The following MORC3 variants were observed in gnomAD, a reference collection of about 807,000 sequenced individuals.
The protein encoded by MORC3 is MORC family CW-type zinc finger 3.
In MORC3, 31 loss-of-function variants were observed where a neutral mutation model predicts 109.1. That is an observed-to-expected ratio of 0.28 (90% CI 0.21 to 0.38). The LOEUF (loss-of-function observed/expected upper bound fraction) is 0.38, where lower values mean the gene tolerates loss of function less well. Ranked by LOEUF, MORC3 falls within the 10% of genes least tolerant of loss-of-function variation. MORC3 has a pLI of 1.00. For synonymous variants in MORC3, 395 were observed against 380.7 expected (o/e 1.04, Z -0.44); for missense variants, 867 against 1,135.8 (o/e 0.76, Z 3.40).
At chr21:36,333,396 T>C (rs549881921) in intron 1 of MORC3, 125 of 497,050 alleles carry the variant, frequency 2.5e-4, no homozygotes, top group African/African-American at 2.1e-3. Flanking sequence ...TGGACAGTTA[T>C]GACATTGTAG....
intron 9 of MORC3, among the ~76,000 whole-genome samples, chr21:36,354,550 G>C (rs111724970): frequency 6.6e-6 from 1 of 151,918 alleles, no homozygotes; most frequent in African/African-American, 2.4e-5. Context: ...TGATCCGCCC[G>C]CCTCTGTCTT....
chr21:36,364,925 G>T (rs942729931), intron 14 of MORC3, among the ~76,000 whole-genome samples: 1 of 151,858 alleles, frequency 6.6e-6, no homozygotes, highest in Non-Finnish European at 1.5e-5. Flanking sequence ...GGCGTTACAT[G>T]CCTGTAATCC....
At chr21:36,361,889 A>G (rs1422259046) in intron 12 of MORC3, 4 of 368,580 alleles carry the variant, frequency 1.1e-5, no homozygotes, top group Non-Finnish European at 2.0e-5. Flanking sequence ...AAAAGAAAAA[A>G]CCTATGTGAT....
rs752572932 is a variant in MORC3, at chr21:36,320,284, G to A, written c.20G>A (p.Arg7His). MAAQPP[R>H]GIRLSALCPK... ...CTCAAGATGGCGGCGCAGCCACCCC[G>A]CGGGATACGCCTCAGCGCGGTGAGC... Residue 7 changes from arginine (R) to histidine (H), a missense_variant, in exon 1 of 17, where the codon CGC (arginine) becomes CAC (histidine). Coordinates refer to ENST00000400485, the MANE Select transcript of MORC3 (RefSeq NM_015358.3). 1 of 1,575,292 alleles carries A rather than the reference G, an allele frequency of 6.3e-7. No individual in the cohort carries two copies. Among genetic ancestry groups the A allele is most frequent in the Non-Finnish European group, 8.6e-7 (1 of 1,162,352 alleles).
At chr21:36,370,635 A>ATT (rs1361206395) in intron 15 of MORC3, among the ~76,000 whole-genome samples, 57 of 42,000 alleles carry the variant, frequency 1.4e-3, no homozygotes, top group Non-Finnish European at 2.3e-3. Context: ...ATATATATAT[A>ATT]TATATTTTTT....
rs761186510 is a variant in MORC3, at chr21:36,369,348, C to A, written c.1980C>A (p.Asp660Glu). 1.2e-6 allele frequency: 2 copies of A among 1,614,080 alleles called. No homozygotes were observed. The highest frequency in any genetic ancestry group is 1.7e-5 in the Admixed American group (1 of 59,998). Residue 660 changes from aspartate to glutamate, a missense_variant, in exon 15 of 17, where the codon GAC becomes GAA. Asp to Glu is a conservative substitution (Grantham distance 45). Coordinates refer to ENST00000400485, the MANE Select transcript of MORC3 (RefSeq NM_015358.3). Reference protein sequence around the residue: ...KKEETVEDEIDVRNDAVILPS... With the variant: ...KKEETVEDEIEVRNDAVILPS... ...AAGAAACTGTTGAAGACGAGATAGA[C>A]GTAAGAAATGATGCAGTGATTCTGC...
chr21:36,358,702 T>C (rs902221206), intron 10 of MORC3, among the ~76,000 whole-genome samples: 1 of 152,026 alleles, frequency 6.6e-6, no homozygotes, highest in Non-Finnish European at 1.5e-5. Flanking sequence ...GTTTTTGAGG[T>C]AGAGGCTTGC....
chr21:36,321,548 C>CTT (rs746656195), intron 1 of MORC3, among the ~76,000 whole-genome samples: 3 of 139,108 alleles, frequency 2.2e-5, no homozygotes, highest in Non-Finnish European at 1.6e-5. Flanking sequence ...TTCTTTTTTT[C>CTT]TTTTTTTTTT....
intron 1 of MORC3, among the ~76,000 whole-genome samples, chr21:36,325,566 T>C (rs1391074098): frequency 6.6e-6 from 1 of 152,230 alleles, no homozygotes; most frequent in Non-Finnish European, 1.5e-5. Context: ...CCAGAACTCT[T>C]CTTGTTGGGA....
intron 12 of MORC3, 30 bp downstream of exon 12, chr21:36,360,288 A>G (rs752584522): frequency 5.1e-6 from 8 of 1,578,496 alleles, no homozygotes; most frequent in Non-Finnish European, 7.0e-6. Context: ...ATAGTGGGTA[A>G]TAATGCCCAG....
rs772766669 is a variant in MORC3 at position 36,369,238 on chromosome 21, T to TCAA, written c.1874_1876dup (p.Thr625dup). ...CAGTGAACCTTGTGGCCAGACTGGT[T>TCAA]CAACAAGCACCTCATCATCCCGATG... On this transcript the variant is annotated inframe_insertion, in exon 15 of 17. Transcript: ENST00000400485. The TCAA allele has an allele frequency of 3.1e-6, 5 of 1,614,162 alleles. No homozygotes were observed. Among genetic ancestry groups the TCAA allele is most frequent in the Non-Finnish European group, 3.4e-6 (4 of 1,180,038 alleles).
rs189030931 is a variant in MORC3, at chr21:36,321,731, C to G, written c.39+1428C>G. On this transcript the variant is annotated intron_variant, in intron 1 of 16. Transcript: ENST00000400485. ...TTTCCCCTATCTCCTTTCCCCACTT[C>G]TCTCTCCTTCCTCTCTCGAGGTTGA... Among the ~76,000 whole-genome samples the G allele has an allele frequency of 1.9e-3, 288 of 152,200 alleles. 1 individual carries two copies. Among genetic ancestry groups the G allele is most frequent in the African/African-American group, 6.8e-3 (281 of 41,524 alleles).
chr21:36,356,725 G>A lies in MORC3; in HGVS notation c.1208+1G>A. The A allele has an allele frequency of 6.6e-7, 1 of 1,511,482 alleles. No homozygotes were observed. The highest frequency in any genetic ancestry group is 1.2e-5 in the South Asian group (1 of 83,750). The allele number at this position is 1,511,482 out of a possible 1,614,324, so 93.6% of individuals were successfully genotyped here. A position where few individuals can be genotyped will look rare whatever the true frequency, so the allele number is the denominator to read the frequency against. On this transcript the variant is annotated splice_donor_variant, in intron 10 of 16. Transcript: ENST00000400485. LOFTEE classifies it high-confidence loss of function. The stretch of plus-strand genomic sequence containing the variant: ...TAAATTTGCCAGTTGAAGATATACA[G>A]TAAGTACATTTTTAAAACATATCAT...
chr21:36,330,336 C>G (rs944332074), intron 1 of MORC3, among the ~76,000 whole-genome samples: 1 of 152,202 alleles, frequency 6.6e-6, no homozygotes, highest in Admixed American at 6.5e-5. Flanking sequence ...CTCCACAATC[C>G]TTGTCTTAAC....
chr21:36,331,472 C>T lies in MORC3; in HGVS notation c.40-2174C>T, dbSNP rs531175961. Among the ~76,000 whole-genome samples the T allele has an allele frequency of 5.9e-5, 9 of 152,218 alleles. No homozygotes were observed. The South Asian group carries it at 1.9e-3, about 32-fold the overall frequency. ...AATTAGCTGGGCATGGTGGTGGGCA[C>T]CTGTAGTCCCAGCTACTCGGGAGGC... On this transcript the variant is annotated intron_variant, in intron 1 of 16. Transcript: ENST00000400485.
At chr21:36,353,380 A>C (rs1054531528) in intron 9 of MORC3, among the ~76,000 whole-genome samples, 1 of 139,318 alleles carries the variant, frequency 7.2e-6, no homozygotes, top group Admixed American at 7.5e-5. Flanking sequence ...AAAAAAAAAA[A>C]TCATGGCCGG....
chr21:36,321,801 T>C (rs1319843878), intron 1 of MORC3, among the ~76,000 whole-genome samples: 1 of 152,032 alleles, frequency 6.6e-6, no homozygotes, highest in Non-Finnish European at 1.5e-5. Context: ...ACGGAGTGAG[T>C]TGATTTCCTG....
intron 8 of MORC3, among the ~76,000 whole-genome samples, chr21:36,346,270 C>T (rs1000252169): frequency 5.9e-5 from 9 of 152,344 alleles, no homozygotes; most frequent in Middle Eastern, 6.8e-3. Context: ...CCACCCACGT[C>T]GGCTTCTCAG....
chr21:36,360,324 C>A, intron 12 of MORC3, 66 bp downstream of exon 12: 1 of 1,438,378 alleles, frequency 7.0e-7, no homozygotes, highest in Non-Finnish European at 9.7e-7. Flanking sequence ...GCCTTGGCAA[C>A]ATTATTTGAT....
Sources: gnomAD v4.1 joint callset for allele counts (sites outside exome capture counted in the v4.1 genomes callset) on GRCh38, gnomAD v4.1.1 for gene constraint, MANE v1.5 for transcripts, NCBI Gene and HGNC (gene_info 2026-07-23, HGNC 2026-07-21) for gene names.